The following OPCML variants were observed in gnomAD, a reference collection of about 807,000 sequenced individuals.
OPCML encodes opioid-binding protein/cell adhesion molecule.
Under a neutral mutation model 37.8 loss-of-function variants are expected in OPCML, and 13 were observed. The ratio of observed to expected loss-of-function variants is 0.34; its 90% CI spans 0.22 to 0.55. The LOEUF is 0.55. Among genes scored for constraint, OPCML ranks in the 20% least tolerant of loss-of-function variants. The pLI, the probability that OPCML is intolerant of heterozygous loss-of-function variation, is 0.91. For synonymous variants in OPCML, 176 were observed against 168.8 expected (o/e 1.04, Z -0.33); for missense variants, 341 against 435.6 (o/e 0.78, Z 1.93).
chr11:133,118,536 A>T (rs1289367982), intron 1 of OPCML, among the ~76,000 whole-genome samples: 2 of 152,102 alleles, frequency 1.3e-5, no homozygotes, highest in Non-Finnish European at 2.9e-5. Context: ...ACTCATGGAG[A>T]CATGGAAGTC....
At chr11:132,739,788 C>A (rs538326587) in intron 2 of OPCML, among the ~76,000 whole-genome samples, 1 of 152,310 alleles carries the variant, frequency 6.6e-6, no homozygotes, top group Non-Finnish European at 1.5e-5. Context: ...GCTAGCTTAT[C>A]ATCATTATAA....
intron 1 of OPCML, chr11:133,003,815 TC>T: frequency 1.0e-6 from 1 of 985,360 alleles, no homozygotes; most frequent in East Asian, 1.1e-4. Flanking sequence ...ACACACAATT[TC>T]TCCAAACAGC....
chr11:132,908,317 C>T (rs1451880626), intron 2 of OPCML, among the ~76,000 whole-genome samples: 1 of 152,224 alleles, frequency 6.6e-6, no homozygotes, highest in Non-Finnish European at 1.5e-5. Context: ...CACACACGTG[C>T]ACACATAGGT....
chr11:132,739,102 A>G (rs970261526), intron 2 of OPCML, among the ~76,000 whole-genome samples: 1 of 152,220 alleles, frequency 6.6e-6, no homozygotes, highest in African/African-American at 2.4e-5. Flanking sequence ...AATCTATATA[A>G]CAAATCTTAC....
intron 1 of OPCML, among the ~76,000 whole-genome samples, chr11:133,031,924 G>A (rs1947681636): frequency 6.6e-6 from 1 of 152,136 alleles, no homozygotes; most frequent in Admixed American, 6.5e-5. Context: ...CCTCTTCTAT[G>A]CCAAACACAG....
rs1939371694 is a variant in OPCML at position 133,211,788 on chromosome 11, TAA to T, written c.62-268780_62-268779del. The stretch of plus-strand genomic sequence containing the variant: ...CACAACACGCTTTTCACAATTTTTT[TAA>T]GTCTTACAACAATCCTAATAAAGTA... On this transcript the variant is annotated intron_variant, in intron 1 of 7. Transcript: ENST00000524381. This position sits in a 1 kb window ranked among gnomAD's most constrained non-coding sequence, Gnocchi z 4.1. Among the ~76,000 whole-genome samples, 1 of 152,220 alleles carries T rather than the reference TAA, an allele frequency of 6.6e-6. No homozygotes were observed. The highest frequency in any genetic ancestry group is 6.5e-5 in the Admixed American group (1 of 15,284).
intron 4 of OPCML, among the ~76,000 whole-genome samples, chr11:132,524,496 A>G (rs951866668): frequency 5.9e-5 from 9 of 152,320 alleles, no homozygotes; most frequent in African/African-American, 2.2e-4. Context: ...CTGCTATTGA[A>G]AAAATTAAGT....
At chr11:133,093,456 C>G (rs900002297) in intron 1 of OPCML, among the ~76,000 whole-genome samples, 1 of 152,120 alleles carries the variant, frequency 6.6e-6, no homozygotes. Context: ...GCTCTCCCTC[C>G]CCTTGCTCCC....
At chr11:133,495,023 G>A (rs942486220) in intron 1 of OPCML, among the ~76,000 whole-genome samples, 1 of 151,850 alleles carries the variant, frequency 6.6e-6, no homozygotes, top group African/African-American at 2.4e-5. Context: ...AGTATATGCT[G>A]TACCATATTT....
intron 2 of OPCML, among the ~76,000 whole-genome samples, chr11:132,685,777 T>C (rs1474963912): frequency 1.3e-5 from 2 of 152,172 alleles, no homozygotes; most frequent in Non-Finnish European, 2.9e-5. Context: ...GAGTAGAACC[T>C]GGCTTGAATC....
At chr11:133,027,529 G>A (rs1442823763) in intron 1 of OPCML, among the ~76,000 whole-genome samples, 3 of 151,020 alleles carry the variant, frequency 2.0e-5, no homozygotes, top group African/African-American at 4.9e-5. Context: ...TGTGATGTGT[G>A]TGTGCTGAAT....
chr11:133,293,054 A>G (rs916389361), intron 1 of OPCML, among the ~76,000 whole-genome samples: 1 of 152,342 alleles, frequency 6.6e-6, no homozygotes, highest in East Asian at 1.9e-4. Flanking sequence ...GGAGATATGC[A>G]GAACTGAGTC....
intron 3 of OPCML, among the ~76,000 whole-genome samples, chr11:132,621,883 C>T (rs1293007326): frequency 5.9e-5 from 9 of 152,132 alleles, no homozygotes; most frequent in Non-Finnish European, 8.8e-5. Flanking sequence ...GATGTGTCCA[C>T]TAAAATCTTT....
intron 3 of OPCML, among the ~76,000 whole-genome samples, chr11:132,572,651 G>A (rs1565675782): frequency 6.6e-6 from 1 of 151,902 alleles, no homozygotes; most frequent in Non-Finnish European, 1.5e-5. Flanking sequence ...TGATTACTAT[G>A]GCTTCATAAA....
chr11:132,577,392 T>C (rs2096453335), intron 3 of OPCML, among the ~76,000 whole-genome samples: 1 of 152,130 alleles, frequency 6.6e-6, no homozygotes. Flanking sequence ...TTTTAAAAAA[T>C]AAAATAAGAC....
At chr11:132,817,731 G>A (rs1481876543) in intron 2 of OPCML, among the ~76,000 whole-genome samples, 1 of 151,850 alleles carries the variant, frequency 6.6e-6, no homozygotes, top group Non-Finnish European at 1.5e-5. Context: ...TATTTAGACT[G>A]TAATGAGTGC....
At chr11:133,306,455 G>C (rs1441708782) in intron 1 of OPCML, among the ~76,000 whole-genome samples, 4 of 152,090 alleles carry the variant, frequency 2.6e-5, no homozygotes, top group African/African-American at 9.7e-5. Flanking sequence ...ATTGACATTG[G>C]TTTCAATTTA....
At chr11:133,318,635 C>G (rs1219588183) in intron 1 of OPCML, among the ~76,000 whole-genome samples, 1 of 152,210 alleles carries the variant, frequency 6.6e-6, no homozygotes, top group East Asian at 1.9e-4. Context: ...CCATTAACTA[C>G]TATCCAGCTA....
chr11:132,881,295 G>A (rs1738344388), intron 2 of OPCML, among the ~76,000 whole-genome samples: 1 of 152,206 alleles, frequency 6.6e-6, no homozygotes, highest in African/African-American at 2.4e-5. Flanking sequence ...TTGGAGTCTG[G>A]GGTTCCAGAT....
Sources: gnomAD v4.1 joint callset for allele counts (sites outside exome capture counted in the v4.1 genomes callset) on GRCh38, gnomAD v4.1.1 for gene constraint, Gnocchi (gnomAD v3.1) non-coding constraint, MANE v1.5 for transcripts, NCBI Gene and HGNC (gene_info 2026-07-23, HGNC 2026-07-21) for gene names.